Variants in ABCA1 observed in about 807,000 individuals in gnomAD.
ABCA1 encodes phospholipid-transporting ATPase ABCA1.
ABCA1 carries 133 observed loss-of-function variants against 262.5 expected under a neutral mutation model. The observed-to-expected ratio is 0.51, with a 90% CI of 0.44 to 0.59. The LOEUF (loss-of-function observed/expected upper bound fraction) is 0.59. Ranked by LOEUF, ABCA1 falls within the 20% of genes least tolerant of loss-of-function variation. The probability of loss-of-function intolerance (pLI) is 0.00; values close to 1 mark genes in which losing one functional copy is unlikely to be tolerated. For synonymous variants in ABCA1, 1,022 were observed against 1,043.5 expected (o/e 0.98, Z 0.40); for missense variants, 2,452 against 2,777.5 (o/e 0.88, Z 2.63).
chr9:104,829,079 G>A lies in ABCA1; in HGVS notation c.1952C>T (p.Ser651Leu), dbSNP rs1270297708. Residue 651 changes from serine (S) to leucine (L), a missense_variant, in exon 15 of 50, where the codon TCA (serine) becomes TTA (leucine). By Grantham distance (145) the Ser-to-Leu change is moderately radical. This residue lies in a region of ABCA1 where 1,032 missense variants were observed against 1,089.7 expected (regional missense o/e 0.95). Coordinates refer to ENST00000374736, the MANE Select transcript of ABCA1 (RefSeq NM_005502.4). ...GATGCCCTTGATGATCACAGCCACT[G>A]AGTAAATCCAGGCCAGCGTCATGAA... Reference protein sequence around the residue: ...PLFMTLAWIYSVAVIIKGIVY... With the variant: ...PLFMTLAWIYLVAVIIKGIVY... The A allele has an allele frequency of 1.2e-6, 2 of 1,614,094 alleles. No homozygotes were observed. Among genetic ancestry groups the A allele is most frequent in the Non-Finnish European group, 1.7e-6 (2 of 1,180,052 alleles).
At chr9:104,925,834 T>C (rs1426141358) in intron 1 of ABCA1, among the ~76,000 whole-genome samples, 3 of 152,146 alleles carry the variant, frequency 2.0e-5, no homozygotes, top group African/African-American at 7.2e-5. Flanking sequence ...TAGGAGAAAG[T>C]TTCTCAAGAG....
intron 18 of ABCA1, among the ~76,000 whole-genome samples, chr9:104,823,192 A>G (rs535579136): frequency 1.3e-5 from 2 of 152,356 alleles, no homozygotes; most frequent in East Asian, 3.9e-4. Context: ...GAACTGAGGA[A>G]GAAGGGAGGT....
chr9:104,922,635 G>A (rs921157299), intron 1 of ABCA1, among the ~76,000 whole-genome samples: 1 of 152,162 alleles, frequency 6.6e-6, no homozygotes, highest in Admixed American at 6.5e-5. Context: ...ACCAAGAGGT[G>A]TCTTCAAAGA....
At chr9:104,788,293 C>T in intron 45 of ABCA1, 133 bp downstream of exon 45, 1 of 1,011,834 alleles carries the variant, frequency 9.9e-7, no homozygotes, top group Non-Finnish European at 1.4e-6. Context: ...AAAGCAGATA[C>T]AAAGAACCAG....
chr9:104,799,253 C>A (rs1241457769), intron 36 of ABCA1, among the ~76,000 whole-genome samples: 1 of 152,046 alleles, frequency 6.6e-6, no homozygotes, highest in Non-Finnish European at 1.5e-5. Context: ...CAACTCTGTG[C>A]TGAGTGCTGG....
At chr9:104,927,870 C>G (rs1826479515) in intron 1 of ABCA1, 65 bp downstream of exon 1, 3 of 152,386 alleles carry the variant, frequency 2.0e-5, no homozygotes, top group Non-Finnish European at 4.4e-5. Context: ...CGAGCACTTC[C>G]CGAAGCCTCC....
chr9:104,801,939 GC>G (rs1268199759), intron 34 of ABCA1, 114 bp downstream of exon 34: 4 of 955,708 alleles, frequency 4.2e-6, no homozygotes, highest in African/African-American at 1.6e-5. Flanking sequence ...GGCTCTGTAT[GC>G]CAACATATTC....
intron 3 of ABCA1, among the ~76,000 whole-genome samples, chr9:104,886,169 A>C (rs1318173295): frequency 6.6e-6 from 1 of 150,964 alleles, no homozygotes; most frequent in African/African-American, 2.4e-5. Context: ...CCCAGCACTT[A>C]CTCTGCTGTT....
At chr9:104,925,375 CAAA>C (rs576630245) in intron 1 of ABCA1, among the ~76,000 whole-genome samples, 1 of 123,234 alleles carries the variant, frequency 8.1e-6, no homozygotes, top group Non-Finnish European at 1.7e-5. Flanking sequence ...GACTGCATCT[CAAA>C]AAAAAAAAAA....
chr9:104,792,940 A>T, intron 41 of ABCA1, 34 bp from the exon 42 acceptor site: 1 of 1,613,474 alleles, frequency 6.2e-7, no homozygotes, highest in Non-Finnish European at 8.5e-7. Flanking sequence ...TGAACCTTTC[A>T]AACTATTTTT....
intron 37 of ABCA1, 98 bp from the exon 38 acceptor site, chr9:104,796,522 A>G: frequency 1.1e-6 from 1 of 878,652 alleles, no homozygotes. Context: ...GGGCAGATAA[A>G]CATATTGGAG....
chr9:104,821,283 A>T, intron 20 of ABCA1, 92 bp downstream of exon 20: 1 of 1,532,850 alleles, frequency 6.5e-7, no homozygotes, highest in Non-Finnish European at 8.8e-7. Context: ...AAAACACAGC[A>T]AAGTAAAATG....
At chr9:104,845,407 C>A (rs975622138) in intron 8 of ABCA1, 70 bp downstream of exon 8, 1 of 1,130,924 alleles carries the variant, frequency 8.8e-7, no homozygotes, top group Non-Finnish European at 1.3e-6. Flanking sequence ...GGACCTCTTG[C>A]CAGACTCAGG....
intron 1 of ABCA1, among the ~76,000 whole-genome samples, chr9:104,911,198 T>G (rs1232825648): frequency 6.6e-6 from 1 of 152,198 alleles, no homozygotes; most frequent in Admixed American, 6.5e-5. Context: ...GTGCCAAAGC[T>G]CTGATTGCCT....
chr9:104,860,340 A>T (rs956573216), intron 6 of ABCA1, among the ~76,000 whole-genome samples: 1 of 152,202 alleles, frequency 6.6e-6, no homozygotes, highest in Non-Finnish European at 1.5e-5. Context: ...TGCTAAATGC[A>T]ACTACTTTCA....
At chr9:104,834,964 A>G (rs1460648365) in intron 11 of ABCA1, among the ~76,000 whole-genome samples, 1 of 152,140 alleles carries the variant, frequency 6.6e-6, no homozygotes, top group Non-Finnish European at 1.5e-5. Context: ...GAGAGGGAAG[A>G]AAGGCCGGGC....
At chr9:104,870,858 G>T (rs1477512321) in intron 5 of ABCA1, among the ~76,000 whole-genome samples, 2 of 152,162 alleles carry the variant, frequency 1.3e-5, no homozygotes, top group Admixed American at 1.3e-4. Context: ...GGTGGGCAGG[G>T]GCAGGGGGTC....
chr9:104,788,503 T>C lies in ABCA1; in HGVS notation c.5992A>G (p.Thr1998Ala). 1 of 1,614,196 alleles carries C rather than the reference T, an allele frequency of 6.2e-7. No individual in the cohort carries two copies. The highest frequency in any genetic ancestry group is 8.5e-7 in the Non-Finnish European group (1 of 1,180,026). Residue 1998 changes from threonine to alanine, a missense_variant, in exon 45 of 50, where the codon ACA (threonine) becomes GCA (alanine). Coordinates refer to ENST00000374736, the MANE Select transcript of ABCA1 (RefSeq NM_005502.4). ...TGTTCTCTCCCAGTCAACAGCTCTG[T>C]GATGGCATCAAACTGAGGGCAGTAG... ...MGYCPQFDAI[T>A]ELLTGREHVE... is the part of the protein sequence containing the mutation.
chr9:104,832,648 C>G lies in ABCA1; in HGVS notation c.1435G>C (p.Gly479Arg), dbSNP rs1366818370. 1 of 1,614,058 alleles carries G rather than the reference C, an allele frequency of 6.2e-7. No homozygotes were observed. Among genetic ancestry groups the G allele is most frequent in the Non-Finnish European group, 8.5e-7 (1 of 1,180,038 alleles). ...KHPEDVQSSNGSVYTWREAFN... is the reference protein window; with the variant it reads ...KHPEDVQSSNRSVYTWREAFN... Reference sequence around the variant, plus strand: ...GCTTCTCTCCAGGTGTACACAGAACCATTACTGGACTGGACATCCTCTGGG... The same window carrying G: ...GCTTCTCTCCAGGTGTACACAGAACGATTACTGGACTGGACATCCTCTGGG... The change falls in exon 12 of 50, where the codon GGT (glycine) becomes CGT (arginine). Residue 479 changes from glycine (G) to arginine (R), a missense_variant. Physicochemically the swap from Gly to Arg is moderately radical, Grantham distance 125. Coordinates refer to ENST00000374736, the MANE Select transcript of ABCA1 (RefSeq NM_005502.4).
Sources: allele counts gnomAD v4.1 joint callset (sites outside exome capture counted in the v4.1 genomes callset), GRCh38; gene constraint gnomAD v4.1.1; regional missense constraint gnomAD v4.1.1; transcripts MANE v1.5; gene names NCBI Gene and HGNC (gene_info 2026-07-23, HGNC 2026-07-21).